The following RNF19B variants were observed in gnomAD, a reference collection of about 807,000 sequenced individuals.
The protein encoded by RNF19B is ring finger protein 19B, also known as E3 ubiquitin-protein ligase RNF19B.
RNF19B carries 23 observed loss-of-function variants against 65.5 expected under a neutral mutation model. The observed-to-expected ratio is 0.35, with a 90% CI of 0.25 to 0.50. The LOEUF (loss-of-function observed/expected upper bound fraction) is 0.50. Among genes scored for constraint, RNF19B ranks in the 20% least tolerant of loss-of-function variants. The probability of loss-of-function intolerance (pLI) is 0.98; values close to 1 mark genes in which losing one functional copy is unlikely to be tolerated. For synonymous variants in RNF19B, 372 were observed against 379.6 expected (o/e 0.98, Z 0.23); for missense variants, 794 against 980.0 (o/e 0.81, Z 2.53).
At chr1:32,935,048 T>G (rs997828340), downstream of RNF19B, among the ~76,000 whole-genome samples, 4 of 151,824 alleles carry the variant, frequency 2.6e-5, no homozygotes, top group African/African-American at 4.8e-5. Flanking sequence ...GCCAGGATGG[T>G]CTTGATCTCC....
At chr1:32,931,502 T>A (rs1570065144), downstream of RNF19B, among the ~76,000 whole-genome samples, 2 of 152,316 alleles carry the variant, frequency 1.3e-5, no homozygotes, top group Admixed American at 1.3e-4. Context: ...GTAGAGTTTG[T>A]GAGTTGACAG....
At chr1:32,943,840 G>C (rs1454312026) in intron 6 of RNF19B, among the ~76,000 whole-genome samples, 179 bp downstream of exon 6, 1 of 152,104 alleles carries the variant, frequency 6.6e-6, no homozygotes, top group Non-Finnish European at 1.5e-5. Flanking sequence ...GCAAGTACCA[G>C]GGGAATTAAC....
At chr1:32,938,634 T>C (rs1642164044) in intron 7 of RNF19B, 106 bp from the exon 8 acceptor site, 2 of 1,130,304 alleles carry the variant, frequency 1.8e-6, no homozygotes, top group African/African-American at 3.1e-5. Context: ...ATTGTGGTTG[T>C]CTGTCTGATC....
intron 1 of RNF19B, among the ~76,000 whole-genome samples, chr1:32,959,789 G>A (rs1251345960): frequency 1.4e-4 from 21 of 151,386 alleles, no homozygotes; most frequent in Admixed American, 1.4e-3. Flanking sequence ...TGTAATCCCA[G>A]CACTTTGGGA....
chr1:32,949,882 T>C (rs1302550968), intron 1 of RNF19B, 108 bp from the exon 2 acceptor site: 7 of 773,144 alleles, frequency 9.1e-6, no homozygotes, highest in East Asian at 5.3e-5. Context: ...CTATCACATA[T>C]GATACAGAGA....
chr1:32,947,362 A>C (rs1413652525), intron 3 of RNF19B, among the ~76,000 whole-genome samples: 1 of 152,240 alleles, frequency 6.6e-6, no homozygotes, highest in Non-Finnish European at 1.5e-5. Context: ...ACAACATTTT[A>C]ATATTCACTC....
chr1:32,945,524 T>C lies in RNF19B; in HGVS notation c.1251A>G (p.Ala417=), dbSNP rs1277532989. The C allele has an allele frequency of 1.2e-6, 2 of 1,607,408 alleles. No individual in the cohort carries two copies. Among genetic ancestry groups the C allele is most frequent in the Non-Finnish European group, 1.7e-6 (2 of 1,173,858 alleles). Residue 417 remains alanine, a synonymous_variant, in exon 5 of 9, where the codon GCA becomes GCG. Transcript: ENST00000235150. ...LSVIASPVIA[A]VSVGIGVPIM... ...TCCTGACTAGCTTACCAACACTAACTGCAGCAATAACTGGGGATGCAATGA... is the reference window on the plus strand; with the variant it reads ...TCCTGACTAGCTTACCAACACTAACCGCAGCAATAACTGGGGATGCAATGA...
In RNF19B at chr1:32,936,826, C is replaced by T; in HGVS notation, c.2176G>A (p.Gly726Ser). ...AEGQTVLKPE[G>S]GEARV ...CCACTTCATACTCTGGCTTCTCCAC[C>T]TTCTGGCTTCAAGACAGTTTGTCCC... Residue 726 changes from glycine to serine, a missense_variant, in exon 9 of 9, where the codon GGT becomes AGT. Coordinates refer to ENST00000235150, the MANE Select transcript of RNF19B (RefSeq NM_001300826.2). 1 of 1,572,912 alleles carries T rather than the reference C, an allele frequency of 6.4e-7. No individual in the cohort carries two copies. The highest frequency in any genetic ancestry group is 8.7e-7 in the Non-Finnish European group (1 of 1,155,510).
At chr1:32,938,218 G>C (rs1642153398) in intron 8 of RNF19B, 179 bp downstream of exon 8, 2 of 401,956 alleles carry the variant, frequency 5.0e-6, no homozygotes, top group Non-Finnish European at 8.8e-6. Context: ...GCGCTAACAA[G>C]AAGAATCAAG....
chr1:32,962,916 G>A (rs191452025), intron 1 of RNF19B, among the ~76,000 whole-genome samples: 121 of 152,260 alleles, frequency 7.9e-4, no homozygotes, highest in Non-Finnish European at 8.5e-4. Context: ...GGGCGAGGAA[G>A]GTCTCCACTG....
At chr1:32,931,022 A>G in the RNF19B span, among the ~76,000 whole-genome samples, 2 of 151,778 alleles carry the variant, frequency 1.3e-5, no homozygotes, top group East Asian at 3.9e-4. Flanking sequence ...TGGGAAGCAG[A>G]GGTTGCAGTG....
At chr1:32,948,158 T>G in intron 3 of RNF19B, 64 bp downstream of exon 3, 1 of 1,558,898 alleles carries the variant, frequency 6.4e-7, no homozygotes, top group Admixed American at 1.7e-5. Context: ...CTTTTTGACA[T>G]CCTTTTCCCT....
chr1:32,961,409 AC>A (rs1272526810), intron 1 of RNF19B, among the ~76,000 whole-genome samples: 1 of 152,168 alleles, frequency 6.6e-6, no homozygotes, highest in Non-Finnish European at 1.5e-5. Flanking sequence ...TGGAATTAAG[AC>A]CCCTGTTCTA....
In RNF19B at chr1:32,950,980, T is replaced by C. The variant is rs552031207; in HGVS notation, c.636-1206A>G. On this transcript the variant is annotated intron_variant, in intron 1 of 8. Transcript: ENST00000235150. The stretch of plus-strand genomic sequence containing the variant: ...TCAGCCTCCTTAGTAGCTGGGACTA[T>C]AGGCATGCATCACCATGCGCAGCTA... Among the ~76,000 whole-genome samples, 279 of 152,072 alleles carry C rather than the reference T, an allele frequency of 1.8e-3. 1 individual carries two copies. The highest frequency in any genetic ancestry group is 1.3e-3 in the Non-Finnish European group (88 of 67,974).
intron 1 of RNF19B, among the ~76,000 whole-genome samples, chr1:32,954,213 A>G (rs1307254285): frequency 6.8e-6 from 1 of 147,814 alleles, no homozygotes; most frequent in African/African-American, 2.5e-5. Flanking sequence ...TGCCCAGCCC[A>G]CTTTTTTTTT....
rs112008436 is a variant in RNF19B, at chr1:32,950,764, C to T, written c.636-990G>A. Among the ~76,000 whole-genome samples, 767 of 151,890 alleles carry T rather than the reference C, an allele frequency of 5.0e-3. 9 individuals carry two copies. Among genetic ancestry groups the T allele is most frequent in the African/African-American group, 0.018 (733 of 41,426 alleles). On this transcript the variant is annotated intron_variant, in intron 1 of 8. Coordinates refer to ENST00000235150, the MANE Select transcript of RNF19B (RefSeq NM_001300826.2). ...ATTGCCCAGGCTGGTCGCAAACTTC[C>T]GGGCTCAATCAATCAGCCTGCCTCA...
At chr1:32,956,333 C>T (rs1032278977) in intron 1 of RNF19B, among the ~76,000 whole-genome samples, 5 of 152,112 alleles carry the variant, frequency 3.3e-5, no homozygotes, top group Non-Finnish European at 7.4e-5. Flanking sequence ...GCCGAGATTG[C>T]ACCACTGCAC....
At chr1:32,957,097 A>T (rs557106571) in intron 1 of RNF19B, among the ~76,000 whole-genome samples, 2 of 152,224 alleles carry the variant, frequency 1.3e-5, no homozygotes, top group Non-Finnish European at 2.9e-5. Flanking sequence ...AAAGAAAAAA[A>T]GTGCTTCAAC....
chr1:32,936,869 G>A lies in RNF19B; in HGVS notation c.2133C>T (p.Asn711=), dbSNP rs781441186. ...TTTGTCCCTCGGCTAGGGCAGAGAG[G>A]TTCATATGGGCACTTGGGCTCGGTG... is the stretch of plus-strand genomic sequence containing the variant. ...QGAPSPSAHM[N]LSALAEGQTV... Residue 711 remains asparagine, a synonymous_variant, in exon 9 of 9, where the codon AAC becomes AAT. Transcript: ENST00000235150. 3 of 1,612,108 alleles carry A rather than the reference G, an allele frequency of 1.9e-6. No homozygotes were observed. Among genetic ancestry groups the A allele is most frequent in the South Asian group, 2.2e-5 (2 of 90,846 alleles).
Sources: gnomAD v4.1 joint callset for allele counts (sites outside exome capture counted in the v4.1 genomes callset) on GRCh38, gnomAD v4.1.1 for gene constraint, MANE v1.5 for transcripts, NCBI Gene and HGNC (gene_info 2026-07-23, HGNC 2026-07-21) for gene names.